Variants in CFAP44 observed in about 807,000 individuals in gnomAD.
The protein encoded by CFAP44 is cilia- and flagella-associated protein 44.
A neutral mutation model predicts 216.2 loss-of-function variants in CFAP44; 134 were observed. The observed-to-expected ratio is 0.62, with a 90% CI of 0.54 to 0.72. CFAP44 has a LOEUF of 0.72. Ranked by LOEUF, CFAP44 falls within the 30% of genes least tolerant of loss-of-function variation. The pLI is 0.00. For missense variants in CFAP44, 2,035 were observed against 2,182.1 expected (o/e 0.93, Z 1.34); for synonymous variants, 700 against 727.6 (o/e 0.96, Z 0.61).
At chr3:113,398,605 C>G (rs573207514) in intron 13 of CFAP44, among the ~76,000 whole-genome samples, 17 of 152,190 alleles carry the variant, frequency 1.1e-4, no homozygotes, top group African/African-American at 4.1e-4. Flanking sequence ...CTAGGTCTGC[C>G]AATCTAAATG....
intron 4 of CFAP44, among the ~76,000 whole-genome samples, chr3:113,424,233 C>T (rs1458777746): frequency 3.3e-5 from 5 of 152,088 alleles, no homozygotes; most frequent in African/African-American, 4.8e-5. Flanking sequence ...GTCAGGAGTT[C>T]GAGACCAGCC....
intron 31 of CFAP44, 84 bp downstream of exon 31, chr3:113,304,952 A>G: frequency 8.3e-7 from 1 of 1,207,754 alleles, no homozygotes; most frequent in South Asian, 1.4e-5. Context: ...TCTCCCCATT[A>G]GTGAACTATG....
At chr3:113,395,946 G>A (rs999361082) in intron 14 of CFAP44, 86 bp from the exon 15 acceptor site, 29 of 897,934 alleles carry the variant, frequency 3.2e-5, no homozygotes, top group South Asian at 5.2e-5. Context: ...ATAACATAAC[G>A]CTATCTCTAT....
chr3:113,405,572 T>C (rs1442387091), intron 8 of CFAP44, among the ~76,000 whole-genome samples: 1 of 152,226 alleles, frequency 6.6e-6, no homozygotes, highest in East Asian at 1.9e-4. Context: ...AAACTCCTTG[T>C]ACACTAGGAC....
intron 18 of CFAP44, among the ~76,000 whole-genome samples, chr3:113,370,503 A>T (rs534997307): frequency 6.6e-6 from 1 of 152,368 alleles, no homozygotes; most frequent in Admixed American, 6.5e-5. Flanking sequence ...CAATAGACGC[A>T]GAAAAGGCCT....
At chr3:113,419,613 A>G (rs1934753483) in intron 5 of CFAP44, among the ~76,000 whole-genome samples, 1 of 152,110 alleles carries the variant, frequency 6.6e-6, no homozygotes, top group African/African-American at 2.4e-5. Context: ...TCTACATCCT[A>G]TGTGTGTGTC....
intron 9 of CFAP44, 112 bp from the exon 10 acceptor site, chr3:113,401,851 G>T: frequency 8.4e-7 from 1 of 1,186,512 alleles, no homozygotes; most frequent in Non-Finnish European, 1.1e-6. Context: ...TTTCTTTCAT[G>T]AAAAGTAACA....
At chr3:113,385,078 C>A (rs1338640668) in intron 15 of CFAP44, among the ~76,000 whole-genome samples, 1 of 152,150 alleles carries the variant, frequency 6.6e-6, no homozygotes, top group Non-Finnish European at 1.5e-5. Context: ...CAAGATCTGA[C>A]AGATTTATAA....
intron 17 of CFAP44, among the ~76,000 whole-genome samples, chr3:113,377,436 T>C (rs915971836): frequency 6.6e-6 from 1 of 152,194 alleles, no homozygotes; most frequent in Non-Finnish European, 1.5e-5. Context: ...GTCCAGATTC[T>C]AGTTTCACTT....
intron 14 of CFAP44, 22 bp from the exon 15 acceptor site, chr3:113,395,882 G>A (rs908322666): frequency 9.7e-6 from 15 of 1,552,432 alleles, no homozygotes; most frequent in Middle Eastern, 3.4e-4. Context: ...GAGACACACC[G>A]ACGAAATATA....
chr3:113,391,356 A>T (rs4682487), intron 15 of CFAP44, among the ~76,000 whole-genome samples: 1 of 151,836 alleles, frequency 6.6e-6, no homozygotes, highest in Admixed American at 6.6e-5. Flanking sequence ...TGGATTAAAG[A>T]CTTAAACTTA....
At chr3:113,298,098 A>C (rs1949899600) in intron 32 of CFAP44, among the ~76,000 whole-genome samples, 1 of 152,176 alleles carries the variant, frequency 6.6e-6, no homozygotes, top group Non-Finnish European at 1.5e-5. Context: ...TCTCTCAGTA[A>C]AGAGCTTTGA....
chr3:113,425,984 G>A, intron 4 of CFAP44, 140 bp downstream of exon 4: 1 of 944,736 alleles, frequency 1.1e-6, no homozygotes, highest in South Asian at 1.8e-5. Context: ...TAAGCAAATG[G>A]ATGTGGCTGT....
chr3:113,364,867 T>C (rs1255610727), intron 19 of CFAP44, among the ~76,000 whole-genome samples: 1 of 152,110 alleles, frequency 6.6e-6, no homozygotes. Flanking sequence ...GATTCTAAAG[T>C]ACAGTAAGGT....
chr3:113,431,235 G>T, intron 2 of CFAP44, among the ~76,000 whole-genome samples: 1 of 152,082 alleles, frequency 6.6e-6, no homozygotes, highest in East Asian at 1.9e-4. Flanking sequence ...TGTTCAGAAT[G>T]CCAGAAAATT....
chr3:113,393,028 C>A (rs924951422), intron 15 of CFAP44, among the ~76,000 whole-genome samples: 1 of 152,140 alleles, frequency 6.6e-6, no homozygotes, highest in Non-Finnish European at 1.5e-5. Context: ...GTAGCCATGG[C>A]AGACAGAATG....
chr3:113,374,874 G>T (rs758371444), intron 17 of CFAP44, among the ~76,000 whole-genome samples: 21 of 152,162 alleles, frequency 1.4e-4, no homozygotes, highest in Non-Finnish European at 2.5e-4. Context: ...GGCCTCAAGT[G>T]ATCCACCCGC....
rs1318787026 is a variant in CFAP44 at position 113,287,078 on chromosome 3, C to G, written c.*4479G>C. On this transcript the variant is annotated 3_prime_UTR_variant, in exon 35 of 35. Coordinates refer to ENST00000393845, the MANE Select transcript of CFAP44 (RefSeq NM_001164496.2). ...AGAGGGAAAATAAAGAAGCTGCCAC[C>G]TAACAGGAGTCACCCAGGAAAGCAC... is the stretch of plus-strand genomic sequence containing the variant. 1.7e-6 allele frequency: 1 copy of G among 600,238 alleles called. No individual in the cohort carries two copies. The highest frequency in any genetic ancestry group is 3.0e-6 in the Non-Finnish European group (1 of 331,908). The allele number at this position is 600,238 out of a possible 1,614,324, so 37.2% of individuals were successfully genotyped here. A position where few individuals can be genotyped will look rare whatever the true frequency, so the allele number is the denominator to read the frequency against.
At chr3:113,410,928 T>C (rs1356302334) in intron 6 of CFAP44, among the ~76,000 whole-genome samples, 1 of 152,254 alleles carries the variant, frequency 6.6e-6, no homozygotes, top group African/African-American at 2.4e-5. Flanking sequence ...ATTTTGTCTG[T>C]TGGCTACATA....
Sources: gnomAD v4.1 joint callset for allele counts (sites outside exome capture counted in the v4.1 genomes callset) on GRCh38, gnomAD v4.1.1 for gene constraint, MANE v1.5 for transcripts, NCBI Gene and HGNC (gene_info 2026-07-23, HGNC 2026-07-21) for gene names.